Variants in VPS13D observed in about 807,000 individuals in gnomAD.
The protein encoded by VPS13D is intermembrane lipid transfer protein VPS13D.
A neutral mutation model predicts 461.9 loss-of-function variants in VPS13D; 187 were observed. The observed-to-expected ratio is 0.40, with a 90% CI of 0.36 to 0.46. The LOEUF (loss-of-function observed/expected upper bound fraction) is 0.46, where lower values mean the gene tolerates loss of function less well. VPS13D is among the 20% of genes least tolerant of loss of function. The probability of loss-of-function intolerance (pLI) is 0.60; values close to 1 mark genes in which losing one functional copy is unlikely to be tolerated. For synonymous variants in VPS13D, 1,951 were observed against 1,986.3 expected (o/e 0.98, Z 0.47); for missense variants, 4,711 against 5,364.9 (o/e 0.88, Z 3.81).
chr1:12,287,287 G>C (rs899822829), intron 21 of VPS13D, among the ~76,000 whole-genome samples: 1 of 152,234 alleles, frequency 6.6e-6, no homozygotes, highest in Non-Finnish European at 1.5e-5. Context: ...TCCAGCTATA[G>C]TAACCCATTG....
intron 61 of VPS13D, 102 bp from the exon 62 acceptor site, chr1:12,401,506 A>G (rs950321157): frequency 1.3e-6 from 1 of 770,296 alleles, no homozygotes; most frequent in African/African-American, 1.7e-5. Flanking sequence ...ATAAAGCCAC[A>G]TGATTAATGA....
chr1:12,383,243 G>A (rs1644306365), intron 58 of VPS13D, 88 bp downstream of exon 58: 2 of 1,309,340 alleles, frequency 1.5e-6, no homozygotes, highest in Non-Finnish European at 2.1e-6. Context: ...TATTGAACAT[G>A]TTTATGCCAG....
At chr1:12,352,865 T>G (rs1643826391) in intron 46 of VPS13D, among the ~76,000 whole-genome samples, 1 of 146,996 alleles carries the variant, frequency 6.8e-6, no homozygotes, top group Non-Finnish European at 1.5e-5. Flanking sequence ...CTCAGGAGGC[T>G]GAGGCAGGAG....
chr1:12,361,596 C>A (rs1032487036), intron 50 of VPS13D, among the ~76,000 whole-genome samples: 2 of 150,744 alleles, frequency 1.3e-5, no homozygotes, highest in Non-Finnish European at 3.0e-5. Context: ...GGGGTTTCAC[C>A]GTTTTAGCCG....
intron 46 of VPS13D, among the ~76,000 whole-genome samples, chr1:12,353,657 T>C (rs1643859772): frequency 6.6e-6 from 1 of 152,028 alleles, no homozygotes; most frequent in South Asian, 2.1e-4. Context: ...AGAAAGGGGT[T>C]GCCTGAATGA....
chr1:12,484,313 C>G (rs1645766741), intron 67 of VPS13D, among the ~76,000 whole-genome samples: 1 of 152,206 alleles, frequency 6.6e-6, no homozygotes, highest in Non-Finnish European at 1.5e-5. Context: ...ATTGTTGATA[C>G]ATGGGCTAGG....
rs1408751059 is a variant in VPS13D at position 12,319,492 on chromosome 1, T to C, written c.7415-5T>C. 1.2e-6 allele frequency: 2 copies of C among 1,614,006 alleles called. No individual in the cohort carries two copies. Among genetic ancestry groups the C allele is most frequent in the African/African-American group, 2.7e-5 (2 of 75,040 alleles). ...TGGCTTGATTGACGACGTTGTCCTT[T>C]CCAGGTACGGAGTTTGTGGTCATTG... On this transcript the variant is annotated splice_region_variant and splice_polypyrimidine_tract_variant and intron_variant, in intron 31 of 69. Coordinates refer to ENST00000620676, the MANE Select transcript of VPS13D (RefSeq NM_015378.4).
chr1:12,309,647 A>G (rs1642676187), intron 27 of VPS13D, among the ~76,000 whole-genome samples: 1 of 151,462 alleles, frequency 6.6e-6, no homozygotes, highest in Non-Finnish European at 1.5e-5. Context: ...CTGTAATCCC[A>G]GCTACCGGGA....
At chr1:12,470,873 G>A (rs963091629) in intron 67 of VPS13D, among the ~76,000 whole-genome samples, 3 of 152,110 alleles carry the variant, frequency 2.0e-5, no homozygotes, top group East Asian at 1.9e-4. Context: ...TACCGGGTCC[G>A]TTACAGCTCC....
At chr1:12,498,609 C>CT (rs1170475355) in intron 68 of VPS13D, among the ~76,000 whole-genome samples, 1 of 152,144 alleles carries the variant, frequency 6.6e-6, no homozygotes, top group Non-Finnish European at 1.5e-5. Flanking sequence ...TGGAGTTGTA[C>CT]TTTCTTGTTT....
At chr1:12,409,389 A>C (rs1644695036) in intron 63 of VPS13D, among the ~76,000 whole-genome samples, 3 of 152,204 alleles carry the variant, frequency 2.0e-5, no homozygotes. Flanking sequence ...CTCAGAAGAC[A>C]CATGCAAAAA....
intron 68 of VPS13D, among the ~76,000 whole-genome samples, chr1:12,506,305 A>T (rs1646105059): frequency 6.6e-6 from 1 of 152,240 alleles, no homozygotes; most frequent in African/African-American, 2.4e-5. Flanking sequence ...AAGGAAGATG[A>T]CAGTTTTACC....
In VPS13D at chr1:12,415,003, T is replaced by C. The variant is rs1265229814; in HGVS notation, c.12031-84T>C. On this transcript the variant is annotated intron_variant, in intron 63 of 69. Coordinates refer to ENST00000620676, the MANE Select transcript of VPS13D (RefSeq NM_015378.4). ...CTCATTCGAAAGTTAACATGACTTGTAGCTTTAATGGAATCTAGAATTATA... is the reference window on the plus strand; with the variant it reads ...CTCATTCGAAAGTTAACATGACTTGCAGCTTTAATGGAATCTAGAATTATA... The C allele has an allele frequency of 3.3e-6, 5 of 1,508,430 alleles. No individual in the cohort carries two copies. In the East Asian group the frequency reaches 6.8e-5, roughly 21 times the overall value. The allele number at this position is 1,508,430 out of a possible 1,614,324, so 93.4% of individuals were successfully genotyped here.
At chr1:12,508,470 C>A (rs1188133581) in intron 69 of VPS13D, among the ~76,000 whole-genome samples, 1 of 150,700 alleles carries the variant, frequency 6.6e-6, no homozygotes, top group Admixed American at 6.6e-5. Context: ...CTTTGGGAGG[C>A]CGAGGCGGGC....
chr1:12,438,960 C>A lies in VPS13D; in HGVS notation c.12334-17038C>A, dbSNP rs1277470438. 2.0e-5 allele frequency among the ~76,000 whole-genome samples: 3 copies of A among 152,172 alleles called. No individual in the cohort carries two copies. In the East Asian group the frequency reaches 5.8e-4, roughly 29 times the overall value. On this transcript the variant is annotated intron_variant, in intron 65 of 69. Transcript: ENST00000620676. Reference sequence around the variant, plus strand: ...TCCAGTCCCTCAGCAGATCCCGAATCTGAACATATCCCTCCCGCGCCCACC... The same window carrying A: ...TCCAGTCCCTCAGCAGATCCCGAATATGAACATATCCCTCCCGCGCCCACC...
At position 12,370,376 on chromosome 1, in the gene VPS13D, A is replaced by T. The variant is rs1023082956; in HGVS notation, c.10808+674A>T. ...AATTTTAAAGTGTATCTGTGAAGAA[A>T]TGGAAAATAGCTTAATCTTTAACAT... On this transcript the variant is annotated intron_variant, in intron 54 of 69. Coordinates refer to ENST00000620676, the MANE Select transcript of VPS13D (RefSeq NM_015378.4). Among the ~76,000 whole-genome samples the T allele has an allele frequency of 5.3e-5, 8 of 152,236 alleles. No homozygotes were observed. The East Asian group carries it at 1.5e-3, about 29-fold the overall frequency.
chr1:12,492,649 A>G (rs908683443), intron 67 of VPS13D, among the ~76,000 whole-genome samples: 1 of 152,232 alleles, frequency 6.6e-6, no homozygotes, highest in Non-Finnish European at 1.5e-5. Context: ...TTCCCCCTAG[A>G]TAGATTCTCA....
chr1:12,313,183 A>C (rs1250271984), intron 29 of VPS13D, among the ~76,000 whole-genome samples: 1 of 150,992 alleles, frequency 6.6e-6, no homozygotes, highest in Non-Finnish European at 1.5e-5. Context: ...TCTTCTAGTT[A>C]GTCTTTCTGT....
intron 65 of VPS13D, among the ~76,000 whole-genome samples, chr1:12,455,769 A>G (rs1023963362): frequency 6.6e-6 from 1 of 152,020 alleles, no homozygotes; most frequent in African/African-American, 2.4e-5. Flanking sequence ...AAATACAAAA[A>G]TTAGCCAGGT....
Sources: allele counts gnomAD v4.1 joint callset (sites outside exome capture counted in the v4.1 genomes callset), GRCh38; gene constraint gnomAD v4.1.1; transcripts MANE v1.5; gene names NCBI Gene and HGNC (gene_info 2026-07-23, HGNC 2026-07-21).